Variants in ADAP1 observed in about 807,000 individuals in gnomAD.
ADAP1 encodes arf-GAP with dual PH domain-containing protein 1.
A neutral mutation model predicts 54.9 loss-of-function variants in ADAP1; 31 were observed. The observed-to-expected ratio is 0.56, with a 90% CI of 0.42 to 0.76. ADAP1 has a LOEUF of 0.76. Among genes scored for constraint, ADAP1 ranks in the 30% least tolerant of loss-of-function variants. The probability of loss-of-function intolerance (pLI) is 0.00; values close to 1 mark genes in which losing one functional copy is unlikely to be tolerated. For missense variants in ADAP1, 535 were observed against 512.4 expected, an observed-to-expected ratio of 1.04 and a Z score of -0.42; for synonymous variants, 313 against 202.6, an observed-to-expected ratio of 1.55 and a Z score of -4.63.
upstream of ADAP1, chr7:954,705 G>A (rs1482211737): frequency 1.0e-6 from 1 of 981,398 alleles, no homozygotes; most frequent in African/African-American, 1.8e-5. Context: ...CGGGGCGCAC[G>A]CTGCGCTCTG....
chr7:937,425 C>T (rs1846805656), intron 1 of ADAP1, among the ~76,000 whole-genome samples: 1 of 21,734 alleles, frequency 4.6e-5, no homozygotes, highest in Admixed American at 3.7e-4. Context: ...CGCCCGGCCT[C>T]TGGGATTTGG....
intron 3 of ADAP1, among the ~76,000 whole-genome samples, chr7:925,261 C>A (rs1846342754): frequency 6.6e-6 from 1 of 151,064 alleles, no homozygotes; most frequent in South Asian, 2.1e-4. Context: ...CCGGTTCATG[C>A]TGCAATCCCA....
intron 1 of ADAP1, among the ~76,000 whole-genome samples, chr7:935,942 G>A (rs1463865970): frequency 2.0e-5 from 3 of 152,206 alleles, no homozygotes; most frequent in Non-Finnish European, 4.4e-5. Flanking sequence ...AATTCAGATA[G>A]GATCTGAGTG....
In ADAP1 at chr7:926,413, T is replaced by G; in HGVS notation, c.305+140A>C. 8.7e-5 allele frequency: 47 copies of G among 537,462 alleles called. No individual in the cohort carries two copies. Among genetic ancestry groups the G allele is most frequent in the Middle Eastern group, 6.1e-4 (1 of 1,628 alleles). The allele number at this position is 537,462 out of a possible 1,614,324, so 33.3% of individuals were successfully genotyped here. A position where few individuals can be genotyped will look rare whatever the true frequency, so the allele number is the denominator to read the frequency against. Reference sequence around the variant, plus strand: ...AGCAGACACAGGCGGCACCTCGGGGTCTGGGGGACGCAGCTGCGGCTGGCT... The same window carrying G: ...AGCAGACACAGGCGGCACCTCGGGGGCTGGGGGACGCAGCTGCGGCTGGCT... On this transcript the variant is annotated intron_variant, in intron 3 of 10. Transcript: ENST00000265846. This position sits in a 1 kb window ranked among gnomAD's most constrained non-coding sequence, Gnocchi z 4.6.
intron 4 of ADAP1, among the ~76,000 whole-genome samples, chr7:915,772 G>A (rs1432242696): frequency 6.6e-6 from 1 of 152,164 alleles, no homozygotes; most frequent in Non-Finnish European, 1.5e-5. Flanking sequence ...TCCTGGCCCT[G>A]AGCCCAATGA....
chr7:905,256 A>G (rs1023970498), intron 4 of ADAP1, 84 bp from the exon 5 acceptor site: 33 of 860,532 alleles, frequency 3.8e-5, no homozygotes, highest in African/African-American at 1.1e-4. Flanking sequence ...GACAGAGGGG[A>G]CATGGGGAGA....
chr7:927,866 C>T (rs574512654), intron 2 of ADAP1, among the ~76,000 whole-genome samples: 11 of 150,894 alleles, frequency 7.3e-5, no homozygotes, highest in African/African-American at 1.7e-4. Context: ...TGCCAAAAAA[C>T]AGCAACAGAA....
In ADAP1 at chr7:938,143, G is replaced by A. The variant is rs1846835765; in HGVS notation, c.83-2638C>T. Among the ~76,000 whole-genome samples the A allele has an allele frequency of 6.6e-6, 1 of 152,156 alleles. No homozygotes were observed. The highest frequency in any genetic ancestry group is 2.4e-5 in the African/African-American group (1 of 41,430). ...GAATGCGGTTACAGGATCAGCCGTT[G>A]TTTGGTTTTGCGGGGTTTTTTTTGT... On this transcript the variant is annotated intron_variant, in intron 1 of 10. Coordinates refer to ENST00000265846, the MANE Select transcript of ADAP1 (RefSeq NM_006869.4). The surrounding 1 kb of genome is among the most constrained non-coding windows in gnomAD (Gnocchi z 4.4).
intron 6 of ADAP1, among the ~76,000 whole-genome samples, chr7:902,654 T>C (rs1392258653): frequency 6.6e-6 from 1 of 150,766 alleles, no homozygotes; most frequent in Non-Finnish European, 1.5e-5. Context: ...TTTCAGAAAA[T>C]GAGAACAGGG....
At chr7:932,392 G>A (rs557050433) in intron 2 of ADAP1, among the ~76,000 whole-genome samples, 26 of 152,256 alleles carry the variant, frequency 1.7e-4, no homozygotes, top group South Asian at 6.2e-4. Flanking sequence ...CCCCACCCCT[G>A]GGCCCTTGCC....
chr7:939,517 C>T (rs1021195476), intron 1 of ADAP1, among the ~76,000 whole-genome samples: 6 of 151,232 alleles, frequency 4.0e-5, no homozygotes, highest in African/African-American at 1.5e-4. Context: ...CACGCCCAGC[C>T]TACTATCTGT....
intron 5 of ADAP1, 84 bp downstream of exon 5, chr7:904,976 G>C: frequency 1.6e-6 from 2 of 1,218,122 alleles, no homozygotes; most frequent in South Asian, 1.2e-5. Context: ...GCTGCGGATG[G>C]ACGCGGCCAC....
At chr7:900,071 C>T (rs1195433192) in intron 8 of ADAP1, 31 bp downstream of exon 8, 1 of 1,611,718 alleles carries the variant, frequency 6.2e-7, no homozygotes, top group Admixed American at 1.7e-5. Flanking sequence ...GTACCCCAGG[C>T]CACCCCAGGC....
chr7:904,039 C>G, intron 6 of ADAP1, 87 bp downstream of exon 6: 4 of 1,564,202 alleles, frequency 2.6e-6, no homozygotes, highest in East Asian at 2.3e-5. Flanking sequence ...CCTCCCGTAC[C>G]GTCCAAGCAC....
At chr7:923,040 G>A (rs6979036) in intron 3 of ADAP1, 14,875 of 151,970 alleles carry the variant, frequency 0.098, 1,671 homozygotes, top group East Asian at 0.28. Flanking sequence ...CAACGTGCCC[G>A]GTGTCCTTAG....
At chr7:950,149 G>A (rs1430589742) in intron 1 of ADAP1, among the ~76,000 whole-genome samples, 1 of 152,234 alleles carries the variant, frequency 6.6e-6, no homozygotes, top group Non-Finnish European at 1.5e-5. Flanking sequence ...CAGCATCTGT[G>A]AACCTGGAGA....
chr7:955,140 C>T, upstream of ADAP1: 1 of 649,726 alleles, frequency 1.5e-6, no homozygotes, highest in Non-Finnish European at 2.7e-6. Flanking sequence ...CCACACAGGG[C>T]CCAGACGGAG....
At chr7:906,661 G>A (rs1288339158) in intron 4 of ADAP1, among the ~76,000 whole-genome samples, 12 of 94,982 alleles carry the variant, frequency 1.3e-4, no homozygotes, top group East Asian at 4.3e-4. Context: ...GAAAGGGGGC[G>A]GGAAAGGGGA....
chr7:903,018 C>G (rs924102092), intron 6 of ADAP1, among the ~76,000 whole-genome samples: 1 of 152,144 alleles, frequency 6.6e-6, no homozygotes. Context: ...ACGAGAAAGA[C>G]GTAGGACCCG....
Sources: allele counts gnomAD v4.1 joint callset (sites outside exome capture counted in the v4.1 genomes callset), GRCh38; gene constraint gnomAD v4.1.1; non-coding constraint Gnocchi (gnomAD v3.1); transcripts MANE v1.5; gene names NCBI Gene and HGNC (gene_info 2026-07-23, HGNC 2026-07-21).